GCA: variants seen among roughly 807,000 people sequenced by gnomAD.
GCA encodes the protein grancalcin, EF-hand calcium-binding protein.
GCA carries 30 observed loss-of-function variants against 32.6 expected under a neutral mutation model. That is an observed-to-expected ratio of 0.92 (90% CI 0.69 to 1.25). The LOEUF (loss-of-function observed/expected upper bound fraction) is 1.25. GCA is among the 50% of genes most tolerant of loss of function. The pLI is 0.00. For synonymous variants in GCA, 102 were observed against 84.6 expected, an observed-to-expected ratio of 1.21 and a Z score of -1.13; for missense variants, 291 against 266.8, an observed-to-expected ratio of 1.09 and a Z score of -0.63.
intron 3 of GCA, among the ~76,000 whole-genome samples, chr2:162,355,404 A>C (rs1038915657): frequency 6.6e-6 from 1 of 152,104 alleles, no homozygotes; most frequent in Non-Finnish European, 1.5e-5. Context: ...TGGGTCTAAA[A>C]TTTAGCTGAA....
chr2:162,349,074 A>T (rs1330722954), intron 2 of GCA, among the ~76,000 whole-genome samples: 1 of 147,228 alleles, frequency 6.8e-6, no homozygotes, highest in East Asian at 1.9e-4. Flanking sequence ...AAATTATAAT[A>T]TATCATATAA....
At chr2:162,367,961 T>C (rs967030810), downstream of GCA, among the ~76,000 whole-genome samples, 3 of 152,010 alleles carry the variant, frequency 2.0e-5, no homozygotes, top group Non-Finnish European at 4.4e-5. Flanking sequence ...AAAACTGGTA[T>C]TGGAACCCAA....
At chr2:162,359,204 T>C (rs1451778382) in intron 6 of GCA, 47 bp downstream of exon 6, 2 of 1,018,258 alleles carry the variant, frequency 2.0e-6, no homozygotes, top group Non-Finnish European at 3.1e-6. Flanking sequence ...TAGCTATTTT[T>C]CTTGAATAAT....
intron 2 of GCA, among the ~76,000 whole-genome samples, chr2:162,350,084 T>G (rs1432735284): frequency 6.6e-6 from 1 of 152,172 alleles, no homozygotes; most frequent in Non-Finnish European, 1.5e-5. Context: ...ACTATAATAG[T>G]CACCATCCCA....
At chr2:162,372,301 C>A (rs1382727149), downstream of GCA, among the ~76,000 whole-genome samples, 3 of 152,004 alleles carry the variant, frequency 2.0e-5, no homozygotes, top group Non-Finnish European at 2.9e-5. Context: ...ATTCCAAGAA[C>A]TTTTATTTAA....
At chr2:162,335,672 T>G (rs1483016080) in intron 1 of GCA, among the ~76,000 whole-genome samples, 1 of 152,206 alleles carries the variant, frequency 6.6e-6, no homozygotes, top group Non-Finnish European at 1.5e-5. Context: ...TATATTGAGT[T>G]GGATTTTCTG....
chr2:162,331,497 G>A (rs77470571), intron 1 of GCA, among the ~76,000 whole-genome samples: 8,407 of 152,254 alleles, frequency 0.055, 799 homozygotes, highest in African/African-American at 0.19. Flanking sequence ...TTAGGAGGAG[G>A]TTAGACCATG....
intron 1 of GCA, among the ~76,000 whole-genome samples, chr2:162,344,863 C>G (rs1272255209): frequency 2.0e-5 from 3 of 152,104 alleles, no homozygotes; most frequent in Admixed American, 2.0e-4. Context: ...TGGCTAGCCC[C>G]TTCTTTTCAG....
In GCA at chr2:162,356,884, C is replaced by A; in HGVS notation, c.433C>A (p.Arg145Ser). Residue 145 changes from arginine (R) to serine (S), a missense_variant, in exon 5 of 8, where the codon CGT (arginine) becomes AGT (serine). Physicochemically the swap from Arg to Ser is moderately radical, Grantham distance 110. Transcript: ENST00000437150. ...GSGTVEHHEL[R>S]QAIGLMGYRL... ...TGGCACAGTAGAACATCATGAGTTG[C>A]GTCAAGCCATTGGTCTTATGGGTAA... is the stretch of plus-strand genomic sequence containing the variant. The A allele has an allele frequency of 6.2e-7, 1 of 1,607,964 alleles. No individual in the cohort carries two copies.
At chr2:162,325,328 C>G (rs538999468) in intron 1 of GCA, among the ~76,000 whole-genome samples, 2 of 152,108 alleles carry the variant, frequency 1.3e-5, no homozygotes, top group East Asian at 3.9e-4. Context: ...TTCCCTGTCT[C>G]TATTATAAAA....
downstream of GCA, chr2:162,372,157 T>C (rs888859964): frequency 7.6e-7 from 1 of 1,318,760 alleles, no homozygotes; most frequent in African/African-American, 1.5e-5. Flanking sequence ...CATTGAAAAT[T>C]ACACTAATAA....
intron 1 of GCA, among the ~76,000 whole-genome samples, chr2:162,330,732 C>G (rs1044582831): frequency 1.1e-4 from 16 of 152,192 alleles, no homozygotes; most frequent in African/African-American, 3.6e-4. Flanking sequence ...GAGGTGAGAA[C>G]TAGGGATTAG....
intron 1 of GCA, among the ~76,000 whole-genome samples, chr2:162,332,323 ATATAT>A (rs1336386495): frequency 7.2e-5 from 9 of 125,052 alleles, no homozygotes; most frequent in Non-Finnish European, 9.9e-5. Flanking sequence ...AAAAAAAAAA[ATATAT>A]ATATATATAT....
upstream of GCA, among the ~76,000 whole-genome samples, chr2:162,341,395 G>C (rs1475132703): frequency 6.6e-6 from 1 of 150,792 alleles, no homozygotes; most frequent in Admixed American, 6.6e-5. Context: ...GTGGGAAAGA[G>C]AAAATGAGGT....
upstream of GCA, among the ~76,000 whole-genome samples, chr2:162,342,510 T>C (rs1349133983): frequency 1.3e-5 from 2 of 152,216 alleles, no homozygotes; most frequent in East Asian, 3.9e-4. Flanking sequence ...GTACATGCAC[T>C]GTGTTTGTTA....
chr2:162,326,820 C>T (rs142582187), intron 1 of GCA, among the ~76,000 whole-genome samples: 65 of 152,268 alleles, frequency 4.3e-4, no homozygotes, highest in Admixed American at 1.8e-3. Context: ...ACCTGGCCTT[C>T]CTTTCCTTCT....
At chr2:162,356,666 A>G in intron 4 of GCA, 92 bp from the exon 5 acceptor site, 1 of 988,192 alleles carries the variant, frequency 1.0e-6, no homozygotes, top group South Asian at 1.5e-5. Context: ...GAGTTTGGCT[A>G]AGTCTACAGA....
At chr2:162,328,147 G>A (rs530811214) in intron 1 of GCA, among the ~76,000 whole-genome samples, 3 of 151,056 alleles carry the variant, frequency 2.0e-5, no homozygotes, top group East Asian at 3.9e-4. Flanking sequence ...TTGGTAGGCC[G>A]AGGTGAGTGG....
chr2:162,353,284 A>G (rs557242767), intron 3 of GCA, among the ~76,000 whole-genome samples: 182 of 152,300 alleles, frequency 1.2e-3, no homozygotes, highest in African/African-American at 4.1e-3. Flanking sequence ...CCTGGCCACC[A>G]TGGTGAAACC....
Sources: gnomAD v4.1 joint callset for allele counts (sites outside exome capture counted in the v4.1 genomes callset) on GRCh38, gnomAD v4.1.1 for gene constraint, MANE v1.5 for transcripts, NCBI Gene and HGNC (gene_info 2026-07-23, HGNC 2026-07-21) for gene names.